The following TAS2R1 variants were observed in gnomAD, a reference collection of about 807,000 sequenced individuals.
TAS2R1 encodes taste receptor type 2 member 1.
For synonymous variants in TAS2R1, 141 were observed against 134.2 expected (o/e 1.05, Z -0.35); for missense variants, 370 against 353.4 (o/e 1.05, Z -0.38).
chr5:9,728,881 G>A, the TAS2R1 span, among the ~76,000 whole-genome samples: 1 of 152,156 alleles, frequency 6.6e-6, no homozygotes, highest in African/African-American at 2.4e-5. Flanking sequence ...GAAAACTGAG[G>A]CCCGGCGCAG....
At chr5:9,645,837 A>G (rs948560298) in intron 2 of TAS2R1, among the ~76,000 whole-genome samples, 8 of 152,140 alleles carry the variant, frequency 5.3e-5, no homozygotes, top group Admixed American at 2.6e-4. Context: ...GAAAAGAGAA[A>G]GCAAGACCAT....
the TAS2R1 span, among the ~76,000 whole-genome samples, chr5:9,773,299 G>A: frequency 6.6e-6 from 1 of 151,944 alleles, no homozygotes; most frequent in Non-Finnish European, 1.5e-5. Flanking sequence ...TAATAAAAAT[G>A]CTACACTTTA....
the TAS2R1 span, among the ~76,000 whole-genome samples, chr5:9,813,907 G>A: frequency 1.3e-5 from 2 of 152,104 alleles, no homozygotes; most frequent in Non-Finnish European, 2.9e-5. Context: ...CCCATTTGCA[G>A]ACCATTCAAA....
chr5:9,861,166 T>C, the TAS2R1 span, among the ~76,000 whole-genome samples: 7 of 151,866 alleles, frequency 4.6e-5, no homozygotes, highest in African/African-American at 1.5e-4. Flanking sequence ...TTTCTTGAAA[T>C]GAAATGCAAA....
the TAS2R1 span, among the ~76,000 whole-genome samples, chr5:9,820,929 A>G: frequency 1.1e-4 from 16 of 152,158 alleles, no homozygotes; most frequent in African/African-American, 3.6e-4. Context: ...TCCTGCCATC[A>G]TCAGCCTATA....
At chr5:9,853,575 T>G in the TAS2R1 span, among the ~76,000 whole-genome samples, 1 of 152,150 alleles carries the variant, frequency 6.6e-6, no homozygotes, top group African/African-American at 2.4e-5. Flanking sequence ...TTTGGGTGCC[T>G]CTTCCCTGAT....
the TAS2R1 span, among the ~76,000 whole-genome samples, chr5:9,729,012 C>A: frequency 2.0e-5 from 3 of 152,172 alleles, no homozygotes; most frequent in Non-Finnish European, 4.4e-5. Context: ...AAAGAGCAGG[C>A]AGGAAGAAAA....
chr5:9,763,002 A>C, the TAS2R1 span, among the ~76,000 whole-genome samples: 1 of 152,278 alleles, frequency 6.6e-6, no homozygotes, highest in African/African-American at 2.4e-5. Context: ...CAAGAAGCCC[A>C]TTCAGAGAAA....
chr5:9,842,316 C>CTTTTTTTTTTTTTTTT, the TAS2R1 span, among the ~76,000 whole-genome samples: 1 of 116,230 alleles, frequency 8.6e-6, no homozygotes, highest in African/African-American at 3.4e-5. Flanking sequence ...TTCTTTCTCT[C>CTTTTTTTTTTTTTTTT]TTTTTTTTTT....
At chr5:9,848,857 C>T in the TAS2R1 span, among the ~76,000 whole-genome samples, 1 of 152,170 alleles carries the variant, frequency 6.6e-6, no homozygotes, top group Non-Finnish European at 1.5e-5. Flanking sequence ...GTGTTTTTGC[C>T]TGCAACTAAT....
the TAS2R1 span, among the ~76,000 whole-genome samples, chr5:9,777,913 G>A: frequency 1.2e-4 from 17 of 141,656 alleles, no homozygotes; most frequent in South Asian, 2.0e-3. Flanking sequence ...TTGCTCTGTC[G>A]CCCAGGCCGG....
At chr5:9,697,072 G>A (rs1258819119) in intron 1 of TAS2R1, among the ~76,000 whole-genome samples, 2 of 151,924 alleles carry the variant, frequency 1.3e-5, no homozygotes, top group Non-Finnish European at 2.9e-5. Flanking sequence ...GAAGGAGGAC[G>A]AGGAGAAGGA....
At chr5:9,782,157 G>C in the TAS2R1 span, among the ~76,000 whole-genome samples, 3 of 152,172 alleles carry the variant, frequency 2.0e-5, no homozygotes, top group African/African-American at 7.2e-5. Context: ...TCTTACTCAG[G>C]CCCCTCCAGC....
At chr5:9,808,901 G>T in the TAS2R1 span, among the ~76,000 whole-genome samples, 1 of 152,122 alleles carries the variant, frequency 6.6e-6, no homozygotes, top group Non-Finnish European at 1.5e-5. Flanking sequence ...TTGTGGGTGG[G>T]TCCCCATGGA....
the TAS2R1 span, among the ~76,000 whole-genome samples, chr5:9,837,776 C>T: frequency 5.9e-5 from 9 of 152,202 alleles, no homozygotes; most frequent in Non-Finnish European, 1.2e-4. Flanking sequence ...ACCCCTGCCT[C>T]GTGGAGCGAC....
At chr5:9,870,741 A>T in the TAS2R1 span, among the ~76,000 whole-genome samples, 1 of 152,192 alleles carries the variant, frequency 6.6e-6, no homozygotes, top group Non-Finnish European at 1.5e-5. Flanking sequence ...CCCCCAGAAA[A>T]TGGAGGAGGA....
chr5:9,844,933 C>A, the TAS2R1 span, among the ~76,000 whole-genome samples: 6 of 152,248 alleles, frequency 3.9e-5, no homozygotes, highest in East Asian at 1.2e-3. Context: ...TGTCAATTGT[C>A]ATCAAAAATT....
chr5:9,727,651 C>A, the TAS2R1 span, among the ~76,000 whole-genome samples: 1 of 152,314 alleles, frequency 6.6e-6, no homozygotes, highest in East Asian at 1.9e-4. Flanking sequence ...TGGTGTCCAA[C>A]CCACACCAAG....
At chr5:9,711,523 G>A (rs555747667) in intron 1 of TAS2R1, among the ~76,000 whole-genome samples, 6 of 152,286 alleles carry the variant, frequency 3.9e-5, no homozygotes, top group African/African-American at 7.2e-5. Context: ...AGGTGGAAAC[G>A]GGGAGGTGTT....
Sources: allele counts gnomAD v4.1 joint callset (sites outside exome capture counted in the v4.1 genomes callset), GRCh38; gene constraint gnomAD v4.1.1; transcripts MANE v1.5; gene names NCBI Gene and HGNC (gene_info 2026-07-23, HGNC 2026-07-21).